Variants in TAFA2 observed in about 807,000 individuals in gnomAD.
The protein encoded by TAFA2 is chemokine-like protein TAFA-2.
TAFA2 carries 7 observed loss-of-function variants against 18.8 expected under a neutral mutation model. The observed-to-expected ratio is 0.37, with a 90% CI of 0.21 to 0.70. The LOEUF (loss-of-function observed/expected upper bound fraction) is 0.70, where lower values mean the gene tolerates loss of function less well. TAFA2 is among the 30% of genes least tolerant of loss of function. The probability of loss-of-function intolerance (pLI) is 0.53; values close to 1 mark genes in which losing one functional copy is unlikely to be tolerated. For synonymous variants in TAFA2, 60 were observed against 54.2 expected, an observed-to-expected ratio of 1.11 and a Z score of -0.47; for missense variants, 122 against 158.1, an observed-to-expected ratio of 0.77 and a Z score of 1.23.
intron 1 of TAFA2, 25 bp from the exon 2 acceptor site, chr12:61,867,451 T>C (rs758978895): frequency 7.2e-7 from 1 of 1,379,716 alleles, no homozygotes; most frequent in Admixed American, 1.8e-5. Flanking sequence ...ATAATAAAAA[T>C]CATAAGTATG....
chr12:61,985,304 A>G (rs1234686561), intron 1 of TAFA2, among the ~76,000 whole-genome samples: 2 of 152,244 alleles, frequency 1.3e-5, no homozygotes, highest in South Asian at 2.1e-4. Flanking sequence ...CACTGGAAGT[A>G]TATTTTGTCC....
In TAFA2 at chr12:61,830,152, C is replaced by T. The variant is rs1872664194; in HGVS notation, c.106+37168G>A. Among the ~76,000 whole-genome samples, 6 of 150,670 alleles carry T rather than the reference C, an allele frequency of 4.0e-5. No individual in the cohort carries two copies. The South Asian group carries it at 1.2e-3, about 31-fold the overall frequency. On this transcript the variant is annotated intron_variant, in intron 2 of 4. Coordinates refer to ENST00000416284, the MANE Select transcript of TAFA2 (RefSeq NM_178539.5). ...GGATGATTGGATAAATGTTATGATC[C>T]AATGGATCCAATGAATGATTGGATA...
intron 1 of TAFA2, among the ~76,000 whole-genome samples, chr12:62,018,313 T>C (rs1280147328): frequency 6.6e-6 from 1 of 152,214 alleles, no homozygotes; most frequent in Admixed American, 6.5e-5. Flanking sequence ...TCCCCAGTAT[T>C]ATTATTCTCC....
chr12:62,222,539 G>T (rs1428921587), intron 1 of TAFA2, among the ~76,000 whole-genome samples: 2 of 151,922 alleles, frequency 1.3e-5, no homozygotes, highest in South Asian at 2.1e-4. Context: ...ACGGAGTCTT[G>T]CTCTGTCGCC....
intron 1 of TAFA2, among the ~76,000 whole-genome samples, chr12:61,870,110 A>T (rs1874534494): frequency 6.6e-6 from 1 of 152,222 alleles, no homozygotes; most frequent in Non-Finnish European, 1.5e-5. Context: ...CTGTCAAAGT[A>T]AAGAAAGAAA....
intron 2 of TAFA2, among the ~76,000 whole-genome samples, chr12:61,837,566 T>C (rs1431268126): frequency 2.0e-5 from 3 of 151,986 alleles, no homozygotes; most frequent in African/African-American, 7.2e-5. Context: ...CTCAAACATA[T>C]CACTTATATA....
chr12:61,726,322 G>T (rs12818321), intron 4 of TAFA2, among the ~76,000 whole-genome samples: 15,822 of 151,922 alleles, frequency 0.1, 1,076 homozygotes, highest in East Asian at 0.23. Flanking sequence ...GATTGCTTTT[G>T]GCGGTATGCT....
chr12:62,123,852 C>T (rs775752250), intron 1 of TAFA2, among the ~76,000 whole-genome samples: 1 of 149,954 alleles, frequency 6.7e-6, no homozygotes, highest in Non-Finnish European at 1.5e-5. Context: ...CCATCAAAAT[C>T]GCTCCTGAGA....
At chr12:62,131,913 T>C (rs955079507) in intron 1 of TAFA2, among the ~76,000 whole-genome samples, 2 of 151,968 alleles carry the variant, frequency 1.3e-5, no homozygotes, top group African/African-American at 4.8e-5. Context: ...AAATTTAGTA[T>C]TTCTGTCATT....
chr12:62,003,891 T>C (rs1565712252), intron 1 of TAFA2, among the ~76,000 whole-genome samples: 1 of 152,190 alleles, frequency 6.6e-6, no homozygotes, highest in Non-Finnish European at 1.5e-5. Context: ...CTTTCACATT[T>C]TTCATTTCCC....
chr12:62,147,290 G>T (rs1212900259), intron 1 of TAFA2, among the ~76,000 whole-genome samples: 1 of 116,924 alleles, frequency 8.6e-6, no homozygotes, highest in African/African-American at 3.3e-5. Flanking sequence ...ATATATGTAT[G>T]TATATATGTA....
At chr12:61,824,955 A>T (rs1872482162) in intron 2 of TAFA2, among the ~76,000 whole-genome samples, 1 of 152,180 alleles carries the variant, frequency 6.6e-6, no homozygotes, top group Non-Finnish European at 1.5e-5. Flanking sequence ...TCAAAGTGAA[A>T]TTGCCTATAT....
chr12:61,900,102 T>C (rs1201847432), intron 1 of TAFA2, among the ~76,000 whole-genome samples: 3 of 152,204 alleles, frequency 2.0e-5, no homozygotes, highest in Non-Finnish European at 1.5e-5. Context: ...CACATCCATT[T>C]CTTGTCAAGG....
chr12:61,929,986 C>A (rs1369593180), intron 1 of TAFA2, among the ~76,000 whole-genome samples: 2 of 146,624 alleles, frequency 1.4e-5, no homozygotes, highest in African/African-American at 5.4e-5. Flanking sequence ...AGGGGAACAT[C>A]ACACTCTGGG....
At chr12:62,152,272 C>T (rs1408422317) in intron 1 of TAFA2, among the ~76,000 whole-genome samples, 1 of 152,180 alleles carries the variant, frequency 6.6e-6, no homozygotes, top group Non-Finnish European at 1.5e-5. Flanking sequence ...ATATGATTTT[C>T]TGCAAACTAC....
chr12:62,210,083 G>T (rs2062707414), intron 1 of TAFA2, among the ~76,000 whole-genome samples: 1 of 151,916 alleles, frequency 6.6e-6, no homozygotes, highest in Non-Finnish European at 1.5e-5. Context: ...GCCTGTGGGA[G>T]GCTAAGGCAG....
chr12:61,860,261 A>G (rs945938901), intron 2 of TAFA2, among the ~76,000 whole-genome samples: 1 of 152,178 alleles, frequency 6.6e-6, no homozygotes, highest in South Asian at 2.1e-4. Context: ...TCTCAAATAA[A>G]TATATATTAC....
intron 1 of TAFA2, among the ~76,000 whole-genome samples, chr12:62,167,993 T>C (rs1471606185): frequency 6.6e-6 from 1 of 152,186 alleles, no homozygotes; most frequent in African/African-American, 2.4e-5. Context: ...AATCATACTT[T>C]CTTTAAAAAA....
chr12:62,015,091 A>T (rs887023993), intron 1 of TAFA2, among the ~76,000 whole-genome samples: 1 of 152,216 alleles, frequency 6.6e-6, no homozygotes, highest in Non-Finnish European at 1.5e-5. Context: ...CACAAATATG[A>T]AAAGTTACTA....
Sources: allele counts gnomAD v4.1 joint callset (sites outside exome capture counted in the v4.1 genomes callset), GRCh38; gene constraint gnomAD v4.1.1; transcripts MANE v1.5; gene names NCBI Gene and HGNC (gene_info 2026-07-23, HGNC 2026-07-21).